Variants in PPP1R9A observed in about 807,000 individuals in gnomAD.
PPP1R9A encodes the protein protein phosphatase 1 regulatory subunit 9A, also known as neurabin-1.
In PPP1R9A, 59 loss-of-function variants were observed where a neutral mutation model predicts 141.9. That is an observed-to-expected ratio of 0.42 (90% CI 0.34 to 0.52). The LOEUF (loss-of-function observed/expected upper bound fraction) is 0.52. Among genes scored for constraint, PPP1R9A ranks in the 20% least tolerant of loss-of-function variants. PPP1R9A has a pLI of 0.10. For synonymous variants in PPP1R9A, 500 were observed against 569.7 expected, an observed-to-expected ratio of 0.88 and a Z score of 1.74; for missense variants, 1,444 against 1,611.9, an observed-to-expected ratio of 0.90 and a Z score of 1.78.
At chr7:94,959,133 A>G (rs188717050) in intron 2 of PPP1R9A, among the ~76,000 whole-genome samples, 1 of 152,042 alleles carries the variant, frequency 6.6e-6, no homozygotes, top group East Asian at 1.9e-4. Context: ...TATGGAAAGA[A>G]TCATTTACTT....
intron 2 of PPP1R9A, among the ~76,000 whole-genome samples, chr7:94,977,597 G>A (rs191677949): frequency 6.6e-6 from 1 of 152,144 alleles, no homozygotes; most frequent in East Asian, 1.9e-4. Flanking sequence ...TAATTAAATT[G>A]AAGATTAACA....
At chr7:95,149,918 C>G (rs1828344026) in intron 4 of PPP1R9A, among the ~76,000 whole-genome samples, 1 of 151,632 alleles carries the variant, frequency 6.6e-6, no homozygotes. Flanking sequence ...AGGGAAATAA[C>G]AAAGTTGGAG....
chr7:95,106,546 A>G (rs1819540660), intron 2 of PPP1R9A, among the ~76,000 whole-genome samples: 1 of 152,158 alleles, frequency 6.6e-6, no homozygotes, highest in Admixed American at 6.5e-5. Flanking sequence ...ATATATCATG[A>G]TTTAGCAAGC....
intron 8 of PPP1R9A, among the ~76,000 whole-genome samples, chr7:95,237,659 A>G (rs1427783437): frequency 6.6e-6 from 1 of 152,156 alleles, no homozygotes; most frequent in African/African-American, 2.4e-5. Context: ...TACCAGTGGT[A>G]GTTTTAGATA....
chr7:95,203,500 A>G (rs1790027535), intron 6 of PPP1R9A, among the ~76,000 whole-genome samples, 165 bp from the exon 7 acceptor site: 1 of 152,134 alleles, frequency 6.6e-6, no homozygotes, highest in Admixed American at 6.5e-5. Context: ...ATACTGAGAA[A>G]CCAAGAGTGT....
chr7:95,128,522 G>A (rs1473188093), intron 4 of PPP1R9A, among the ~76,000 whole-genome samples: 2 of 151,784 alleles, frequency 1.3e-5, no homozygotes, highest in Non-Finnish European at 2.9e-5. Context: ...GTTTAATTAG[G>A]TCCCACTCAT....
chr7:94,912,689 TAAAG>T (rs1293524419), intron 2 of PPP1R9A, among the ~76,000 whole-genome samples: 9 of 152,294 alleles, frequency 5.9e-5, no homozygotes, highest in African/African-American at 1.7e-4. Flanking sequence ...TATTCTGAAA[TAAAG>T]TAATAATCTA....
At chr7:94,955,086 C>G (rs972199526) in intron 2 of PPP1R9A, among the ~76,000 whole-genome samples, 4 of 151,798 alleles carry the variant, frequency 2.6e-5, no homozygotes, top group Admixed American at 2.0e-4. Context: ...CATTTACATA[C>G]CTGTTTTTCT....
rs568145073 is a variant in PPP1R9A, at chr7:95,019,250, T to C, written c.1396-92009T>C. ...TCTCTACTGAAAGTACAAAAATTAG[T>C]TGGGTGTGGTGGCAGGCGCCTGTAA... On this transcript the variant is annotated intron_variant, in intron 2 of 19. Coordinates refer to ENST00000433360, the MANE Select transcript of PPP1R9A (RefSeq NM_001166160.2). Among the ~76,000 whole-genome samples, 5 of 152,104 alleles carry C rather than the reference T, an allele frequency of 3.3e-5. No homozygotes were observed. In the East Asian group the frequency reaches 9.7e-4, roughly 30 times the overall value.
chr7:95,144,881 T>C (rs1827333747), intron 4 of PPP1R9A, among the ~76,000 whole-genome samples: 1 of 152,120 alleles, frequency 6.6e-6, no homozygotes, highest in African/African-American at 2.4e-5. Flanking sequence ...TTCAGCAAAC[T>C]TGCAGGATCA....
intron 2 of PPP1R9A, among the ~76,000 whole-genome samples, chr7:94,999,784 TA>T (rs1563101000): frequency 7.1e-6 from 1 of 140,610 alleles, no homozygotes; most frequent in East Asian, 2.1e-4. Flanking sequence ...TTATTTTATT[TA>T]TTTATTTATT....
intron 8 of PPP1R9A, among the ~76,000 whole-genome samples, chr7:95,244,564 C>A (rs1797863259): frequency 6.6e-6 from 1 of 152,148 alleles, no homozygotes; most frequent in South Asian, 2.1e-4. Flanking sequence ...AAAATGCCAA[C>A]AAGCTGCATG....
intron 2 of PPP1R9A, among the ~76,000 whole-genome samples, chr7:95,007,765 T>C (rs1803822979): frequency 6.6e-6 from 1 of 152,098 alleles, no homozygotes; most frequent in Non-Finnish European, 1.5e-5. Context: ...TATGTGGCTG[T>C]TACAAAGTTA....
At chr7:95,184,662 TTATGCCTTTGCATCTTCA>T (rs1178608346) in intron 5 of PPP1R9A, among the ~76,000 whole-genome samples, 24 of 152,190 alleles carry the variant, frequency 1.6e-4, no homozygotes, top group Non-Finnish European at 2.6e-4. Flanking sequence ...TATAACGTTT[TTATGCCTTTGCATCTTCA>T]TAGCTTAGCT....
chr7:95,136,475 C>T (rs1204632577), intron 4 of PPP1R9A, among the ~76,000 whole-genome samples: 1 of 151,958 alleles, frequency 6.6e-6, no homozygotes, highest in Non-Finnish European at 1.5e-5. Context: ...TATAAACATG[C>T]ACAAAGATAT....
At chr7:95,275,196 T>C (rs1475546718) in intron 16 of PPP1R9A, among the ~76,000 whole-genome samples, 1 of 151,946 alleles carries the variant, frequency 6.6e-6, no homozygotes, top group Non-Finnish European at 1.5e-5. Context: ...TCACCTGAGG[T>C]CAGGAGTTTG....
chr7:95,200,012 T>C (rs1405101076), intron 6 of PPP1R9A, among the ~76,000 whole-genome samples: 1 of 151,892 alleles, frequency 6.6e-6, no homozygotes, highest in Non-Finnish European at 1.5e-5. Flanking sequence ...GGCCAGGCTT[T>C]CTAGTCTGTG....
rs554752985 is a variant in PPP1R9A at position 95,206,878 on chromosome 7, C to G, written c.1956+3148C>G. ...TGATATGGGATGCCTAATTAGGAAA[C>G]TTCATCATAAAGCTGGAACCCCATG... On this transcript the variant is annotated intron_variant, in intron 7 of 19. Transcript: ENST00000433360. 1.2e-4 allele frequency among the ~76,000 whole-genome samples: 18 copies of G among 152,146 alleles called. 1 individual carries two copies. The South Asian group carries it at 3.5e-3, about 30-fold the overall frequency.
intron 2 of PPP1R9A, among the ~76,000 whole-genome samples, chr7:95,049,311 G>C (rs1810465208): frequency 6.6e-6 from 1 of 152,108 alleles, no homozygotes; most frequent in South Asian, 2.1e-4. Flanking sequence ...ACCTCCAGGG[G>C]ATAAACCACT....
Sources: gnomAD v4.1 joint callset for allele counts (sites outside exome capture counted in the v4.1 genomes callset) on GRCh38, gnomAD v4.1.1 for gene constraint, MANE v1.5 for transcripts, NCBI Gene and HGNC (gene_info 2026-07-23, HGNC 2026-07-21) for gene names.